The following SELENOK variants were observed in gnomAD, a reference collection of about 807,000 sequenced individuals.
SELENOK encodes selenoprotein K.
A neutral mutation model predicts 17.3 loss-of-function variants in SELENOK; 11 were observed. The observed-to-expected ratio is 0.63, with a 90% confidence interval of 0.40 to 1.05. The LOEUF (loss-of-function observed/expected upper bound fraction) is 1.05. SELENOK is among the 50% of genes least tolerant of loss of function. SELENOK has a pLI of 0.00. For synonymous variants in SELENOK, 45 were observed against 35.4 expected, an observed-to-expected ratio of 1.27 and a Z score of -0.97; for missense variants, 125 against 113.9, an observed-to-expected ratio of 1.10 and a Z score of -0.44.
intron 4 of SELENOK, 113 bp from the exon 5 acceptor site, chr3:53,885,674 G>T (rs1039138495): frequency 1.6e-6 from 2 of 1,287,154 alleles, no homozygotes; most frequent in East Asian, 2.3e-5. Flanking sequence ...TGATAACAAG[G>T]CCAGTGAATT....
In SELENOK at chr3:53,885,830, C is replaced by A. The variant is rs747234980; in HGVS notation, c.277G>T (p.Gly93Ter). The A allele has an allele frequency of 6.3e-7, 1 of 1,583,734 alleles. No homozygotes were observed. Among genetic ancestry groups the A allele is most frequent in the East Asian group, 2.3e-5 (1 of 43,886 alleles). The change falls in exon 4 of 5, where the codon GGA (glycine) becomes TGA (stop). Residue 93 changes from glycine (G) to a stop codon, truncating the protein, a stop_gained. Transcript: ENST00000495461. LOFTEE classifies it high-confidence loss of function. Reference sequence around the variant, plus strand: ...GAATTTCAGATCTGAAGTTACCTTCCTCATCCACCAGCCATTGGAGGGGGA... The same window carrying A: ...GAATTTCAGATCTGAAGTTACCTTCATCATCCACCAGCCATTGGAGGGGGA... The part of the protein sequence containing the change: ...PSPPPMAGGU[G>*]R
chr3:53,885,039 C>T lies in SELENOK; in HGVS notation c.*519G>A, dbSNP rs968217272. The T allele has an allele frequency of 1.3e-5, 2 of 152,184 alleles. No homozygotes were observed. The highest frequency in any genetic ancestry group is 4.8e-5 in the African/African-American group (2 of 41,424). The allele number at this position is 152,184 out of a possible 1,614,324, so 9.4% of individuals were successfully genotyped here. The stretch of plus-strand genomic sequence containing the variant: ...ATTACATTTGGTAGCAAATTAGACA[C>T]AGTGTATTAAAGATTGATGAGACAA... On this transcript the variant is annotated 3_prime_UTR_variant, in exon 5 of 5. Transcript: ENST00000495461.
chr3:53,886,859 A>G lies in SELENOK; in HGVS notation c.186T>C (p.Asp62=). ...YGNSSDSRYD[D]GRGPPGNPPR... ...AATTTAAAAAGCTGTACCCTCTTCC[A>G]TCATCATATCTGGAATCAGATGAGT... Residue 62 remains aspartate, a synonymous_variant, in exon 3 of 5, where the codon GAT becomes GAC. Transcript: ENST00000495461. 1 of 1,558,778 alleles carries G rather than the reference A, an allele frequency of 6.4e-7. No individual in the cohort carries two copies. The highest frequency in any genetic ancestry group is 2.3e-5 in the East Asian group (1 of 43,386).
At chr3:53,887,509 C>T (rs536586217) in intron 2 of SELENOK, among the ~76,000 whole-genome samples, 1 of 152,174 alleles carries the variant, frequency 6.6e-6, no homozygotes, top group Admixed American at 6.5e-5. Flanking sequence ...TCTATGAAAC[C>T]ATCTCTTCCA....
Position 53,884,547 on chromosome 3 carries a change from A to G in SELENOK, c.*1011T>C, listed in dbSNP as rs1473878811. On this transcript the variant is annotated 3_prime_UTR_variant, in exon 5 of 5. Transcript: ENST00000495461. ...TCAGAGCTTCCACTCTAGTGAAAGA[A>G]TGTGAAAGTTATCAGTATTCAGATG... is the stretch of plus-strand genomic sequence containing the variant. The G allele has an allele frequency of 6.6e-6, 1 of 152,272 alleles. No individual in the cohort carries two copies. Among genetic ancestry groups the G allele is most frequent in the African/African-American group, 2.4e-5 (1 of 41,476 alleles). 9.4% of individuals were successfully genotyped at this position (152,272 alleles called of 1,614,324 possible).
chr3:53,886,388 C>A (rs551442556), intron 3 of SELENOK, among the ~76,000 whole-genome samples: 1 of 152,158 alleles, frequency 6.6e-6, no homozygotes, highest in Non-Finnish European at 1.5e-5. Context: ...AGGCGCATAC[C>A]ACCACACCCA....
At chr3:53,889,870 A>C (rs1260951228) in intron 1 of SELENOK, among the ~76,000 whole-genome samples, 2 of 152,240 alleles carry the variant, frequency 1.3e-5, no homozygotes, top group Non-Finnish European at 2.9e-5. Context: ...TAATTCTAAT[A>C]GACTCTAGCT....
intron 2 of SELENOK, 24 bp from the exon 3 acceptor site, chr3:53,886,958 C>G (rs1269844370): frequency 6.8e-7 from 1 of 1,478,026 alleles, no homozygotes; most frequent in African/African-American, 1.4e-5. Context: ...CAGAAAACAA[C>G]AAAGGTATCA....
At chr3:53,890,551 T>C (rs535808048) in intron 1 of SELENOK, among the ~76,000 whole-genome samples, 3 of 152,310 alleles carry the variant, frequency 2.0e-5, no homozygotes, top group South Asian at 4.1e-4. Context: ...AATGAAATAA[T>C]GCGAACACAG....
chr3:53,885,541 C>A lies in SELENOK; in HGVS notation c.*17G>T. Reference sequence around the variant, plus strand: ...ATGAATGCGCATGTCCGGTTGTCTGCTTCTTAGAGCAGACATTTACCTGAA... The same window carrying A: ...ATGAATGCGCATGTCCGGTTGTCTGATTCTTAGAGCAGACATTTACCTGAA... On this transcript the variant is annotated 3_prime_UTR_variant, in exon 5 of 5. Coordinates refer to ENST00000495461, the MANE Select transcript of SELENOK (RefSeq NM_021237.5). 1 of 1,608,362 alleles carries A rather than the reference C, an allele frequency of 6.2e-7. No individual in the cohort carries two copies. The highest frequency in any genetic ancestry group is 1.1e-5 in the South Asian group (1 of 89,532).
Position 53,885,850 on chromosome 3 carries a change from G to C in SELENOK, c.257C>G (p.Pro86Arg). The change falls in exon 4 of 5, where the codon CCT becomes CGT. Residue 86 changes from proline (P) to arginine (R), a missense_variant. Coordinates refer to ENST00000495461, the MANE Select transcript of SELENOK (RefSeq NM_021237.5). Reference protein sequence around the residue: ...RINHLRGPSPPPMAGGUGR With the variant: ...RINHLRGPSPRPMAGGUGR ...CCTTCCTCATCCACCAGCCATTGGA[G>C]GGGGACTAGGGCCACGCAGATGATT... is the stretch of plus-strand genomic sequence containing the variant. 1.3e-6 allele frequency: 2 copies of C among 1,591,334 alleles called. No homozygotes were observed. Among genetic ancestry groups the C allele is most frequent in the Non-Finnish European group, 1.7e-6 (2 of 1,168,342 alleles).
chr3:53,886,246 C>CT (rs1259091555), intron 3 of SELENOK, among the ~76,000 whole-genome samples: 21 of 151,400 alleles, frequency 1.4e-4, no homozygotes, highest in Middle Eastern at 3.4e-3. Flanking sequence ...ATCTTTACGG[C>CT]TTTTTTTTTG....
intron 2 of SELENOK, among the ~76,000 whole-genome samples, chr3:53,887,391 TGA>T (rs1420793719): frequency 2.0e-5 from 3 of 152,246 alleles, no homozygotes; most frequent in Admixed American, 6.5e-5. Context: ...AGGATTTAAC[TGA>T]GTTTAAAAAG....
chr3:53,885,960 A>T (rs1044367024), intron 3 of SELENOK, 48 bp from the exon 4 acceptor site: 71 of 1,259,066 alleles, frequency 5.6e-5, no homozygotes, highest in Non-Finnish European at 7.2e-5. Flanking sequence ...ACACAACTTG[A>T]ATTGTCTCCT....
Position 53,891,820 on chromosome 3 carries a change from G to A in SELENOK, c.-32C>T. ...CCACTTCCCCGCTTCGGAGCCACCG[G>A]GCGCCTGGCCCCTGTCGGTTTCTGT... On this transcript the variant is annotated 5_prime_UTR_variant, in exon 1 of 5. Transcript: ENST00000495461. 6.2e-7 allele frequency: 1 copy of A among 1,613,770 alleles called. No homozygotes were observed. Among genetic ancestry groups the A allele is most frequent in the East Asian group, 2.2e-5 (1 of 44,888 alleles).
In SELENOK at chr3:53,885,410, G is replaced by A. The variant is rs1700117505; in HGVS notation, c.*148C>T. On this transcript the variant is annotated 3_prime_UTR_variant, in exon 5 of 5. Transcript: ENST00000495461. ...TCCCTGCAGAGGGAATTCCCAGCAT[G>A]ACCTCATTCATCTGTGAGGACACAG... 6.9e-6 allele frequency: 5 copies of A among 729,314 alleles called. No homozygotes were observed. Among genetic ancestry groups the A allele is most frequent in the Admixed American group, 2.7e-5 (1 of 37,690 alleles). 45.2% of individuals were successfully genotyped at this position (729,314 alleles called of 1,614,324 possible). A position where few individuals can be genotyped will look rare whatever the true frequency, so the allele number is the denominator to read the frequency against.
Position 53,885,165 on chromosome 3 carries a change from A to G in SELENOK, c.*393T>C. 6.1e-6 allele frequency: 1 copy of G among 162,678 alleles called. No homozygotes were observed. Among genetic ancestry groups the G allele is most frequent in the Non-Finnish European group, 1.3e-5 (1 of 74,918 alleles). The allele number at this position is 162,678 out of a possible 1,614,324, so 10.1% of individuals were successfully genotyped here. A position where few individuals can be genotyped will look rare whatever the true frequency, so the allele number is the denominator to read the frequency against. ...AAATGAGAAAAAGTTAACAATGAAC[A>G]GTGTTTCAGAAGTTGAAAAGGTGAC... On this transcript the variant is annotated 3_prime_UTR_variant, in exon 5 of 5. Transcript: ENST00000495461.
At chr3:53,889,582 A>C (rs1390171934) in intron 1 of SELENOK, among the ~76,000 whole-genome samples, 15 of 152,304 alleles carry the variant, frequency 9.8e-5, no homozygotes, top group Non-Finnish European at 1.0e-4. Flanking sequence ...TGGGTGTAAA[A>C]ATACCTCTTT....
At chr3:53,891,100 T>G (rs566794435) in intron 1 of SELENOK, 1 of 152,338 alleles carries the variant, frequency 6.6e-6, no homozygotes, top group South Asian at 2.1e-4. Context: ...CCCTTGAAAT[T>G]CGAGCAAAAA....
Sources: gnomAD v4.1 joint callset for allele counts (sites outside exome capture counted in the v4.1 genomes callset) on GRCh38, gnomAD v4.1.1 for gene constraint, MANE v1.5 for transcripts, NCBI Gene and HGNC (gene_info 2026-07-23, HGNC 2026-07-21) for gene names.